Variants in SH3PXD2A observed in about 807,000 individuals in gnomAD.
SH3PXD2A encodes SH3 and PX domain-containing protein 2A.
In SH3PXD2A, 32 loss-of-function variants were observed where a neutral mutation model predicts 115.2. The observed-to-expected ratio is 0.28, with a 90% CI of 0.21 to 0.37. The LOEUF (loss-of-function observed/expected upper bound fraction) is 0.37, where lower values mean the gene tolerates loss of function less well. Among genes scored for constraint, SH3PXD2A ranks in the 10% least tolerant of loss-of-function variants. SH3PXD2A has a pLI of 1.00. For missense variants in SH3PXD2A, 1,328 were observed against 1,498.7 expected (o/e 0.89, Z 1.88); for synonymous variants, 610 against 629.1 (o/e 0.97, Z 0.45).
At chr10:103,847,987 G>A (rs1431047559) in intron 1 of SH3PXD2A, among the ~76,000 whole-genome samples, 1 of 147,638 alleles carries the variant, frequency 6.8e-6, no homozygotes, top group Non-Finnish European at 1.5e-5. Flanking sequence ...TCCTGAAGTA[G>A]AAGGCAACAT....
intron 1 of SH3PXD2A, among the ~76,000 whole-genome samples, chr10:103,854,439 C>G (rs534589860): frequency 2.6e-5 from 4 of 152,152 alleles, no homozygotes; most frequent in African/African-American, 9.7e-5. Context: ...GGCTCTGGAG[C>G]TGCCCCAGTC....
At chr10:103,611,780 T>A in intron 12 of SH3PXD2A, 150 bp from the exon 13 acceptor site, 1 of 684,672 alleles carries the variant, frequency 1.5e-6, no homozygotes, top group South Asian at 1.7e-5. Flanking sequence ...TAAGTCACTA[T>A]GGGCACTGTG....
chr10:103,713,376 G>A (rs2038068425), intron 5 of SH3PXD2A, among the ~76,000 whole-genome samples: 1 of 152,208 alleles, frequency 6.6e-6, no homozygotes, highest in African/African-American at 2.4e-5. Context: ...TCAGAGCCAG[G>A]AGATAGCCCA....
chr10:103,611,371 C>T (rs1033372633), intron 13 of SH3PXD2A, among the ~76,000 whole-genome samples: 3 of 152,134 alleles, frequency 2.0e-5, no homozygotes, highest in Non-Finnish European at 2.9e-5. Flanking sequence ...AGTGTGTTTC[C>T]GATTATAAAC....
chr10:103,802,575 T>C (rs1330094190), intron 1 of SH3PXD2A, among the ~76,000 whole-genome samples: 4 of 152,204 alleles, frequency 2.6e-5, no homozygotes, highest in African/African-American at 4.8e-5. Flanking sequence ...CTGTCCTTCC[T>C]GGGAAAGGCC....
At chr10:103,611,518 C>A in intron 13 of SH3PXD2A, 63 bp downstream of exon 13, 1 of 1,417,574 alleles carries the variant, frequency 7.1e-7, no homozygotes, top group Non-Finnish European at 1.0e-6. Context: ...GCCAATTGAT[C>A]GGGTGGCTAT....
At chr10:103,632,933 C>T (rs1490843942) in intron 8 of SH3PXD2A, among the ~76,000 whole-genome samples, 1 of 152,074 alleles carries the variant, frequency 6.6e-6, no homozygotes, top group East Asian at 1.9e-4. Context: ...GAGATCATGC[C>T]ACTGCACTCC....
intron 1 of SH3PXD2A, among the ~76,000 whole-genome samples, chr10:103,816,997 A>C (rs201201128): frequency 1.0e-5 from 1 of 99,606 alleles, no homozygotes; most frequent in Non-Finnish European, 1.9e-5. Context: ...CACCCGGCTA[A>C]TTTTTTTTTT....
chr10:103,757,645 C>T (rs1240696395), intron 3 of SH3PXD2A, among the ~76,000 whole-genome samples: 1 of 152,122 alleles, frequency 6.6e-6, no homozygotes, highest in Non-Finnish European at 1.5e-5. Context: ...AAAAAAGCCC[C>T]TTGCGTGGCT....
At chr10:103,712,985 G>A (rs1017624680) in intron 5 of SH3PXD2A, among the ~76,000 whole-genome samples, 3 of 152,238 alleles carry the variant, frequency 2.0e-5, no homozygotes, top group African/African-American at 7.2e-5. Context: ...GGCCTCCCTG[G>A]ATTGTACGGA....
At chr10:103,793,277 AT>A (rs1483209509) in intron 2 of SH3PXD2A, among the ~76,000 whole-genome samples, 1 of 152,188 alleles carries the variant, frequency 6.6e-6, no homozygotes, top group African/African-American at 2.4e-5. Flanking sequence ...ATTAAAAAAC[AT>A]TTACATTCAT....
At chr10:103,835,465 T>A (rs1337046349) in intron 1 of SH3PXD2A, among the ~76,000 whole-genome samples, 1 of 152,188 alleles carries the variant, frequency 6.6e-6, no homozygotes, top group Non-Finnish European at 1.5e-5. Context: ...CAACGATGGA[T>A]CTGCATTGCC....
intron 6 of SH3PXD2A, among the ~76,000 whole-genome samples, chr10:103,670,660 G>A (rs553536130): frequency 6.6e-6 from 1 of 152,300 alleles, no homozygotes; most frequent in East Asian, 1.9e-4. Context: ...GAAGGTAGAG[G>A]GACTCCAGGG....
chr10:103,741,238 A>G (rs2134191804), intron 3 of SH3PXD2A, among the ~76,000 whole-genome samples: 1 of 152,354 alleles, frequency 6.6e-6, no homozygotes, highest in Non-Finnish European at 1.5e-5. Flanking sequence ...GGAACTGGAC[A>G]TGATGGAAGA....
intron 7 of SH3PXD2A, among the ~76,000 whole-genome samples, chr10:103,664,526 T>C (rs1319026767): frequency 2.6e-5 from 4 of 152,194 alleles, no homozygotes; most frequent in Admixed American, 2.0e-4. Flanking sequence ...CTGACACCAC[T>C]GCCTATGATC....
intron 1 of SH3PXD2A, among the ~76,000 whole-genome samples, chr10:103,810,118 T>C (rs181553445): frequency 1.3e-5 from 2 of 152,312 alleles, no homozygotes; most frequent in Non-Finnish European, 2.9e-5. Context: ...GAGGCTCTTG[T>C]GAGGATTCAG....
intron 8 of SH3PXD2A, among the ~76,000 whole-genome samples, chr10:103,641,741 G>A (rs1450214046): frequency 6.6e-6 from 1 of 152,140 alleles, no homozygotes; most frequent in Non-Finnish European, 1.5e-5. Flanking sequence ...CACTCCTCAT[G>A]GAGAGGTGGT....
At chr10:103,815,160 T>C (rs2039311750) in intron 1 of SH3PXD2A, among the ~76,000 whole-genome samples, 5 of 152,180 alleles carry the variant, frequency 3.3e-5, no homozygotes, top group Admixed American at 2.0e-4. Context: ...CAAGGGTTTC[T>C]GAGACATGAC....
chr10:103,701,536 TCCATCCATCCACTAC>T (rs1245884503), intron 5 of SH3PXD2A, among the ~76,000 whole-genome samples: 1 of 143,888 alleles, frequency 6.9e-6, no homozygotes, highest in African/African-American at 2.6e-5. Context: ...CCATCCACCA[TCCATCCATCCACTAC>T]CCATCCATCA....
Sources: allele counts gnomAD v4.1 joint callset (sites outside exome capture counted in the v4.1 genomes callset), GRCh38; gene constraint gnomAD v4.1.1; transcripts MANE v1.5; gene names NCBI Gene and HGNC (gene_info 2026-07-23, HGNC 2026-07-21).